Variants in MNAT1 observed in about 807,000 individuals in gnomAD.
MNAT1 encodes the protein CDK-activating kinase assembly factor MAT1.
A neutral mutation model predicts 42.0 loss-of-function variants in MNAT1; 43 were observed. That is an observed-to-expected ratio of 1.02 (90% CI 0.80 to 1.32). The LOEUF (loss-of-function observed/expected upper bound fraction) is 1.32, where lower values mean the gene tolerates loss of function less well. Among genes scored for constraint, MNAT1 ranks in the 40% most tolerant of loss-of-function variants. MNAT1 has a pLI of 0.00. For missense variants in MNAT1, 306 were observed against 350.4 expected (o/e 0.87, Z 1.01); for synonymous variants, 118 against 120.0 (o/e 0.98, Z 0.11).
intron 7 of MNAT1, among the ~76,000 whole-genome samples, chr14:60,912,207 A>G (rs1274721332): frequency 2.6e-5 from 4 of 152,030 alleles, no homozygotes; most frequent in Admixed American, 2.0e-4. Flanking sequence ...TTTTGAGCCT[A>G]TGTGTGTCTG....
intron 3 of MNAT1, among the ~76,000 whole-genome samples, chr14:60,805,644 T>C (rs1190112044): frequency 1.3e-5 from 2 of 152,228 alleles, no homozygotes; most frequent in East Asian, 3.8e-4. Flanking sequence ...TGTTATATAG[T>C]TGGAATCATA....
At chr14:60,856,822 A>G (rs1437892711) in intron 6 of MNAT1, among the ~76,000 whole-genome samples, 2 of 151,912 alleles carry the variant, frequency 1.3e-5, no homozygotes, top group East Asian at 3.9e-4. Flanking sequence ...CTGGGACTAC[A>G]GGCGCTCACC....
chr14:60,926,637 C>T (rs993882655), intron 7 of MNAT1, among the ~76,000 whole-genome samples: 1 of 152,114 alleles, frequency 6.6e-6, no homozygotes, highest in Non-Finnish European at 1.5e-5. Context: ...AGCTTCCATG[C>T]CCTCTGACAT....
chr14:60,745,457 C>A (rs1163314081), intron 1 of MNAT1, among the ~76,000 whole-genome samples: 1 of 152,150 alleles, frequency 6.6e-6, no homozygotes, highest in Non-Finnish European at 1.5e-5. Flanking sequence ...CGCTCTGTTG[C>A]CTAGGTTGGA....
chr14:60,815,729 C>G (rs1180340337), intron 5 of MNAT1, among the ~76,000 whole-genome samples: 1 of 152,134 alleles, frequency 6.6e-6, no homozygotes, highest in Non-Finnish European at 1.5e-5. Context: ...ATACTTTCCT[C>G]AGTGTTTAGA....
At chr14:60,802,000 G>A (rs571148225) in intron 3 of MNAT1, among the ~76,000 whole-genome samples, 5 of 152,274 alleles carry the variant, frequency 3.3e-5, no homozygotes, top group African/African-American at 9.6e-5. Flanking sequence ...AGGACATTAT[G>A]CTAAGTGAAA....
At chr14:60,928,383 A>G (rs2035808461) in intron 7 of MNAT1, among the ~76,000 whole-genome samples, 1 of 152,196 alleles carries the variant, frequency 6.6e-6, no homozygotes, top group African/African-American at 2.4e-5. Flanking sequence ...ATACTTAGGA[A>G]TGAATGCTGG....
intron 6 of MNAT1, among the ~76,000 whole-genome samples, chr14:60,846,517 G>A (rs557362675): frequency 6.6e-6 from 1 of 151,948 alleles, no homozygotes; most frequent in South Asian, 2.1e-4. Context: ...ATTTATTTGA[G>A]GTCTTTCTTC....
intron 1 of MNAT1, among the ~76,000 whole-genome samples, chr14:60,778,769 A>C (rs1197773433): frequency 6.6e-6 from 1 of 152,178 alleles, no homozygotes; most frequent in African/African-American, 2.4e-5. Context: ...GAGATGCCAG[A>C]TTGGAGGTGA....
intron 1 of MNAT1, among the ~76,000 whole-genome samples, chr14:60,779,610 A>AC (rs1167665075): frequency 6.6e-6 from 1 of 151,898 alleles, no homozygotes; most frequent in Non-Finnish European, 1.5e-5. Context: ...ACATGGTGAG[A>AC]CCCCGTCTCC....
At chr14:60,909,893 G>C (rs2035308453) in intron 7 of MNAT1, among the ~76,000 whole-genome samples, 1 of 151,890 alleles carries the variant, frequency 6.6e-6, no homozygotes, top group Non-Finnish European at 1.5e-5. Context: ...GGATGGCATT[G>C]AATCTATAAA....
chr14:60,916,767 C>T (rs1361260171), intron 7 of MNAT1, among the ~76,000 whole-genome samples: 2 of 152,194 alleles, frequency 1.3e-5, no homozygotes, highest in East Asian at 1.9e-4. Flanking sequence ...GACTGGGCAA[C>T]GTGGTGAAAC....
chr14:60,871,145 C>A (rs2034315763), intron 6 of MNAT1, among the ~76,000 whole-genome samples: 1 of 152,166 alleles, frequency 6.6e-6, no homozygotes, highest in South Asian at 2.1e-4. Context: ...AATTCATATT[C>A]ATACTATATG....
intron 6 of MNAT1, among the ~76,000 whole-genome samples, chr14:60,868,596 C>G (rs1221592776): frequency 1.3e-5 from 2 of 152,102 alleles, no homozygotes; most frequent in Non-Finnish European, 2.9e-5. Context: ...ATGTGATTTA[C>G]TAGGATATGA....
intron 7 of MNAT1, among the ~76,000 whole-genome samples, chr14:60,943,042 G>GC (rs2036206009): frequency 9.8e-6 from 1 of 101,658 alleles, no homozygotes; most frequent in African/African-American, 4.9e-5. Context: ...GTGTGTGTGT[G>GC]TGTGTGTGCG....
At chr14:60,789,165 T>C (rs1322235968) in intron 1 of MNAT1, among the ~76,000 whole-genome samples, 1 of 152,112 alleles carries the variant, frequency 6.6e-6, no homozygotes, top group East Asian at 1.9e-4. Context: ...TTAAATATTG[T>C]TGTGTCTCAA....
At chr14:60,922,731 A>C (rs1339143967) in intron 7 of MNAT1, among the ~76,000 whole-genome samples, 3 of 152,188 alleles carry the variant, frequency 2.0e-5, no homozygotes, top group Non-Finnish European at 4.4e-5. Context: ...ATTGTTAGTC[A>C]AATGGAATAG....
chr14:60,950,227 T>C (rs1488929623), intron 7 of MNAT1, among the ~76,000 whole-genome samples: 1 of 152,202 alleles, frequency 6.6e-6, no homozygotes, highest in Non-Finnish European at 1.5e-5. Flanking sequence ...TTTGAATTTT[T>C]TGTTTTTCCT....
intron 7 of MNAT1, among the ~76,000 whole-genome samples, chr14:60,924,726 T>G (rs893036027): frequency 1.3e-5 from 2 of 152,034 alleles, no homozygotes; most frequent in African/African-American, 4.8e-5. Flanking sequence ...GTGTCCAACA[T>G]TGGGGATGTT....
Sources: gnomAD v4.1 joint callset for allele counts (sites outside exome capture counted in the v4.1 genomes callset) on GRCh38, gnomAD v4.1.1 for gene constraint, MANE v1.5 for transcripts, NCBI Gene and HGNC (gene_info 2026-07-23, HGNC 2026-07-21) for gene names.